VTI1B: variants seen among roughly 807,000 people sequenced by gnomAD.
VTI1B encodes vesicle transport through interaction with t-SNAREs homolog 1B.
Under a neutral mutation model 28.6 loss-of-function variants are expected in VTI1B, and 18 were observed. The ratio of observed to expected loss-of-function variants is 0.63; its 90% CI spans 0.43 to 0.93. The LOEUF is 0.93. Ranked by LOEUF, VTI1B falls within the 40% of genes least tolerant of loss-of-function variation. The pLI is 0.00. For synonymous variants in VTI1B, 100 were observed against 107.9 expected, an observed-to-expected ratio of 0.93 and a Z score of 0.46; for missense variants, 283 against 297.0, an observed-to-expected ratio of 0.95 and a Z score of 0.35.
chr14:67,672,175 G>C (rs1253916269), intron 1 of VTI1B, among the ~76,000 whole-genome samples: 3 of 150,534 alleles, frequency 2.0e-5, no homozygotes, highest in Non-Finnish European at 4.4e-5. Flanking sequence ...CTAGAGTGCA[G>C]TGGTGCGATC....
At chr14:67,652,444 G>A (rs536790470) in intron 5 of VTI1B, 9 of 184,508 alleles carry the variant, frequency 4.9e-5, no homozygotes, top group Non-Finnish European at 1.1e-4. Context: ...TGAGAACCAT[G>A]GTGGCTCTAT....
In VTI1B at chr14:67,648,997, C is replaced by G. The variant is rs1423086573; in HGVS notation, c.*2388G>C. The stretch of plus-strand genomic sequence containing the variant: ...AGAAATGGTCTCCTTAGCGCCACAG[C>G]CTGCCAGAACCTTAGGCAGTACAAA... On this transcript the variant is annotated 3_prime_UTR_variant, in exon 6 of 6. Coordinates refer to ENST00000554659, the MANE Select transcript of VTI1B (RefSeq NM_006370.3). 6.6e-6 allele frequency: 1 copy of G among 152,196 alleles called. No homozygotes were observed. The highest frequency in any genetic ancestry group is 2.4e-5 in the African/African-American group (1 of 41,442). The allele number at this position is 152,196 out of a possible 1,614,324, so 9.4% of individuals were successfully genotyped here.
At position 67,647,965 on chromosome 14, in the gene VTI1B, T is replaced by C. The variant is rs888464364; in HGVS notation, c.*3420A>G. 5.0e-5 allele frequency: 68 copies of C among 1,351,292 alleles called. No individual in the cohort carries two copies. Among genetic ancestry groups the C allele is most frequent in the Non-Finnish European group, 6.3e-5 (62 of 983,776 alleles). The allele number at this position is 1,351,292 out of a possible 1,614,324, so 83.7% of individuals were successfully genotyped here. On this transcript the variant is annotated 3_prime_UTR_variant, in exon 6 of 6. Coordinates refer to ENST00000554659, the MANE Select transcript of VTI1B (RefSeq NM_006370.3). ...GACTAATAGCAACAAAATCAAGGAG[T>C]TGCAACCATAAGAAGGATGAGTGTC...
At chr14:67,652,915 T>C (rs962181377) in intron 5 of VTI1B, among the ~76,000 whole-genome samples, 4 of 152,050 alleles carry the variant, frequency 2.6e-5, no homozygotes, top group Non-Finnish European at 5.9e-5. Context: ...CTCAGCCTCC[T>C]GAGTAGCTGG....
Position 67,659,900 on chromosome 14 carries a change from A to T in VTI1B, c.197T>A (p.Leu66Gln). 6.2e-7 allele frequency: 1 copy of T among 1,613,820 alleles called. No homozygotes were observed. The highest frequency in any genetic ancestry group is 8.5e-7 in the Non-Finnish European group (1 of 1,179,880). The stretch of plus-strand genomic sequence containing the variant: ...TCGGAAAGACAGGGGTGCATAACGT[A>T]GCTCCTCCTCCATCTCTGCCAGCTG... ...NETLAEMEEE[L>Q]RYAPLSFRNP... Residue 66 changes from leucine (L) to glutamine (Q), a missense_variant, in exon 3 of 6, where the codon CTA becomes CAA. Physicochemically the swap from Leu to Gln is moderately radical, Grantham distance 113. Transcript: ENST00000554659.
rs1263594514 is a variant in VTI1B at position 67,656,466 on chromosome 14, T to C, written c.490A>G (p.Ile164Val). The change falls in exon 4 of 6, where the codon ATA (isoleucine) becomes GTA (valine). Residue 164 changes from isoleucine to valine, a missense_variant. By Grantham distance (29) the Ile-to-Val change is conservative (BLOSUM62 3). Coordinates refer to ENST00000554659, the MANE Select transcript of VTI1B (RefSeq NM_006370.3). Reference protein sequence around the residue: ...TETDQIGSEIIEELGEQRDQL... With the variant: ...TETDQIGSEIVEELGEQRDQL... ...TCTCGTTGTTCCCCCAGCTCTTCTA[T>C]GATTTCTGAGCCAATCTGGTCAGTC... The C allele has an allele frequency of 8.7e-6, 14 of 1,613,748 alleles. No homozygotes were observed. The highest frequency in any genetic ancestry group is 1.3e-5 in the African/African-American group (1 of 74,898).
Position 67,648,189 on chromosome 14 carries a change from T to TAGCAACCAGGTCTGC in VTI1B, c.*3181_*3195dup. The TAGCAACCAGGTCTGC allele has an allele frequency of 6.2e-7, 1 of 1,611,562 alleles. No homozygotes were observed. The highest frequency in any genetic ancestry group is 1.1e-5 in the South Asian group (1 of 90,682). ...TGAGGAAATACACAATACAGGTATG[T>TAGCAACCAGGTCTGC]AGCAACCAGGTCTGCAGCCTGTTAA... On this transcript the variant is annotated 3_prime_UTR_variant, in exon 6 of 6. Coordinates refer to ENST00000554659, the MANE Select transcript of VTI1B (RefSeq NM_006370.3).
In VTI1B at chr14:67,651,386, C is replaced by CA. The variant is rs775237573; in HGVS notation, c.697dup (p.Ter233LeufsTer19). On this transcript the variant is annotated frameshift_variant and stop_lost, in exon 6 of 6. Transcript: ENST00000554659. LOFTEE classifies it high-confidence loss of function. ...CCACAAACCCTTCCCTATAGAAGTT[C>CA]AATGGCTGCGAAAGAATTTGTAGTA... 6.2e-7 allele frequency: 1 copy of CA among 1,613,766 alleles called. No individual in the cohort carries two copies. Among genetic ancestry groups the CA allele is most frequent in the Non-Finnish European group, 8.5e-7 (1 of 1,179,764 alleles).
intron 1 of VTI1B, among the ~76,000 whole-genome samples, chr14:67,664,282 C>T (rs2037374399): frequency 6.6e-6 from 1 of 152,210 alleles, no homozygotes; most frequent in African/African-American, 2.4e-5. Flanking sequence ...CCGTACCCAT[C>T]AAATACCTCC....
chr14:67,661,420 A>G (rs1462904828), intron 2 of VTI1B, among the ~76,000 whole-genome samples: 2 of 151,156 alleles, frequency 1.3e-5, no homozygotes, highest in African/African-American at 4.9e-5. Flanking sequence ...GTCTTGCCTG[A>G]GGTACCAACT....
chr14:67,659,695 AG>A (rs202072329), intron 3 of VTI1B, 35 bp downstream of exon 3: 564 of 1,513,142 alleles, frequency 3.7e-4, no homozygotes, highest in Middle Eastern at 9.7e-4. Flanking sequence ...AGGCCCTTAA[AG>A]GAAAAAAAAA....
At chr14:67,657,516 C>G (rs1427378669) in intron 3 of VTI1B, among the ~76,000 whole-genome samples, 1 of 152,084 alleles carries the variant, frequency 6.6e-6, no homozygotes. Flanking sequence ...AAAAAAGTAG[C>G]CTTGTCAGGC....
chr14:67,670,286 T>C (rs1482781840), intron 1 of VTI1B, among the ~76,000 whole-genome samples: 1 of 152,120 alleles, frequency 6.6e-6, no homozygotes, highest in Non-Finnish European at 1.5e-5. Context: ...AATGTCTCAA[T>C]GTGACACTGA....
intron 3 of VTI1B, among the ~76,000 whole-genome samples, chr14:67,656,825 G>A (rs898558763): frequency 6.6e-6 from 1 of 152,086 alleles, no homozygotes; most frequent in African/African-American, 2.4e-5. Flanking sequence ...ACACTTACGC[G>A]AGGCAAGGAA....
intron 3 of VTI1B, among the ~76,000 whole-genome samples, chr14:67,657,588 G>A (rs748427418): frequency 7.1e-5 from 10 of 140,940 alleles, no homozygotes; most frequent in Admixed American, 1.5e-4. Flanking sequence ...TTCAAAGCAC[G>A]CGCGCGCGTG....
At chr14:67,667,414 G>T (rs2037414437) in intron 1 of VTI1B, among the ~76,000 whole-genome samples, 1 of 152,080 alleles carries the variant, frequency 6.6e-6, no homozygotes, top group Non-Finnish European at 1.5e-5. Flanking sequence ...CACCATACAA[G>T]AGTTAAAAGC....
At position 67,668,245 on chromosome 14, in the gene VTI1B, A is replaced by T. The variant is rs568099957; in HGVS notation, c.116-5710T>A. Among the ~76,000 whole-genome samples, 12 of 152,368 alleles carry T rather than the reference A, an allele frequency of 7.9e-5. 1 individual carries two copies. The South Asian group carries it at 2.3e-3, about 29-fold the overall frequency. On this transcript the variant is annotated intron_variant, in intron 1 of 5. Coordinates refer to ENST00000554659, the MANE Select transcript of VTI1B (RefSeq NM_006370.3). ...TTAACATTGATTAGATTAAGAAATT[A>T]TAGCACATTATAGTACTCTGAGGTA...
At chr14:67,662,303 T>C (rs747236745) in intron 2 of VTI1B, among the ~76,000 whole-genome samples, 174 bp downstream of exon 2, 1 of 152,168 alleles carries the variant, frequency 6.6e-6, no homozygotes, top group Non-Finnish European at 1.5e-5. Flanking sequence ...GCTTCACCCA[T>C]TTGTTTGCCA....
rs367589217 is a variant in VTI1B, at chr14:67,655,659, A to G, written c.540+757T>C. On this transcript the variant is annotated intron_variant, in intron 4 of 5. Coordinates refer to ENST00000554659, the MANE Select transcript of VTI1B (RefSeq NM_006370.3). ...AACAGCCTTGGCTCTAAATAACAGG[A>G]TATAAGCAGATGATGTTTTCGTAAG... Among the ~76,000 whole-genome samples the G allele has an allele frequency of 3.0e-4, 46 of 152,308 alleles. 1 individual carries two copies. Among genetic ancestry groups the G allele is most frequent in the African/African-American group, 1.1e-3 (45 of 41,568 alleles).
Sources: allele counts gnomAD v4.1 joint callset (sites outside exome capture counted in the v4.1 genomes callset), GRCh38; gene constraint gnomAD v4.1.1; transcripts MANE v1.5; gene names NCBI Gene and HGNC (gene_info 2026-07-23, HGNC 2026-07-21).